Variants in COL17A1 observed in about 807,000 individuals in gnomAD.
COL17A1 encodes collagen type XVII alpha 1 chain.
COL17A1 carries 181 observed loss-of-function variants against 218.4 expected under a neutral mutation model. The ratio of observed to expected loss-of-function variants is 0.83; its 90% confidence interval spans 0.73 to 0.94. COL17A1 has a LOEUF of 0.94. COL17A1 is among the 40% of genes least tolerant of loss of function. COL17A1 has a pLI of 0.00. For missense variants in COL17A1, 1,924 were observed against 1,945.9 expected, an observed-to-expected ratio of 0.99 and a Z score of 0.21; for synonymous variants, 721 against 731.0, an observed-to-expected ratio of 0.99 and a Z score of 0.22.
At chr10:104,046,994 G>A (rs1293157751) in intron 31 of COL17A1, among the ~76,000 whole-genome samples, 1 of 152,164 alleles carries the variant, frequency 6.6e-6, no homozygotes, top group African/African-American at 2.4e-5. Context: ...ACTTTCTCAG[G>A]CAATGGTGCT....
At chr10:104,047,629 C>T in intron 31 of COL17A1, 110 bp downstream of exon 31, 1 of 908,574 alleles carries the variant, frequency 1.1e-6, no homozygotes, top group Non-Finnish European at 1.8e-6. Flanking sequence ...CACCCCTTCC[C>T]CCACAACCTG....
At chr10:104,041,658 C>T (rs2134586920) in intron 36 of COL17A1, 120 bp from the exon 37 acceptor site, 1 of 812,732 alleles carries the variant, frequency 1.2e-6, no homozygotes, top group Non-Finnish European at 2.0e-6. Context: ...ACAGCCCAGA[C>T]ACCAGGCCCT....
chr10:104,061,462 T>C lies in COL17A1; in HGVS notation c.922A>G (p.Lys308Glu). 6.2e-7 allele frequency: 1 copy of C among 1,613,406 alleles called. No individual in the cohort carries two copies. Among genetic ancestry groups the C allele is most frequent in the Non-Finnish European group, 8.5e-7 (1 of 1,179,786 alleles). Reference sequence around the variant, plus strand: ...GCAGGACTCTGGGGCATGTTTTTCTTCACCCCATATGCTGCAAGAAAGGAA... The same window carrying C: ...GCAGGACTCTGGGGCATGTTTTTCTCCACCCCATATGCTGCAAGAAAGGAA... ...TTTTSTAYGV[K>E]KNMPQSPAAV... Residue 308 changes from lysine (K) to glutamate (E), a missense_variant, in exon 13 of 56, where the codon AAG becomes GAG. Transcript: ENST00000648076.
At chr10:104,038,218 A>G (rs544411325) in intron 45 of COL17A1, among the ~76,000 whole-genome samples, 188 bp downstream of exon 45, 1 of 147,126 alleles carries the variant, frequency 6.8e-6, no homozygotes, top group South Asian at 2.2e-4. Flanking sequence ...GGGCCTGGAC[A>G]CATAGACACA....
chr10:104,068,841 C>T (rs1343313699), intron 9 of COL17A1, among the ~76,000 whole-genome samples: 1 of 152,126 alleles, frequency 6.6e-6, no homozygotes, highest in Non-Finnish European at 1.5e-5. Flanking sequence ...GATATTAAAA[C>T]CCAAATTTTC....
Position 104,063,651 on chromosome 10 carries a change from A to G in COL17A1, c.838+96T>C. ...TGTGCCTCTGCTTCTGAGCTGCAGT[A>G]TGCATGGAAGAAAGGCCTTCATGCT... On this transcript the variant is annotated intron_variant, in intron 11 of 55. Transcript: ENST00000648076. 2.6e-6 allele frequency: 4 copies of G among 1,550,630 alleles called. No individual in the cohort carries two copies. In the South Asian group the frequency reaches 4.7e-5, roughly 18 times the overall value.
At chr10:104,050,801 G>A (rs767505441) in intron 26 of COL17A1, 47 bp downstream of exon 26, 10 of 1,613,932 alleles carry the variant, frequency 6.2e-6, no homozygotes, top group Admixed American at 3.3e-5. Flanking sequence ...GCTGTGGGTC[G>A]TGTCCATCAG....
At chr10:104,042,717 G>A (rs1050266023) in intron 35 of COL17A1, among the ~76,000 whole-genome samples, 14 of 152,238 alleles carry the variant, frequency 9.2e-5, no homozygotes, top group South Asian at 2.1e-4. Context: ...ATGCCTCTAT[G>A]TACTCCTTCT....
At position 104,031,700 on chromosome 10, in the gene COL17A1, C is replaced by CTT. The variant is rs1254895009; in HGVS notation, c.*533_*534dup. Reference sequence around the variant, plus strand: ...CACCTCCTAGAGGGGAAGTGAATTTCTTAATTTTTTTAGTTGCAAGAGTCA... The same window carrying CTT: ...CACCTCCTAGAGGGGAAGTGAATTTCTTTTAATTTTTTTAGTTGCAAGAGTCA... On this transcript the variant is annotated 3_prime_UTR_variant, in exon 56 of 56. Transcript: ENST00000648076. The CTT allele has an allele frequency of 1.2e-5, 2 of 162,508 alleles. No homozygotes were observed. The highest frequency in any genetic ancestry group is 1.1e-4 in the Admixed American group (2 of 17,644). The allele number at this position is 162,508 out of a possible 1,614,324, so 10.1% of individuals were successfully genotyped here. A position where few individuals can be genotyped will look rare whatever the true frequency, so the allele number is the denominator to read the frequency against.
At chr10:104,056,778 G>T (rs1411139946) in intron 17 of COL17A1, among the ~76,000 whole-genome samples, 197 bp downstream of exon 17, 1 of 152,158 alleles carries the variant, frequency 6.6e-6, no homozygotes, top group African/African-American at 2.4e-5. Flanking sequence ...CCACCACTAA[G>T]TGGCAGCATG....
chr10:104,039,172 T>C, intron 43 of COL17A1, 51 bp from the exon 44 acceptor site: 1 of 1,585,740 alleles, frequency 6.3e-7, no homozygotes, highest in Non-Finnish European at 8.7e-7. Flanking sequence ...AAGCCTTCCC[T>C]GGTTAAGCCA....
In COL17A1 at chr10:104,048,119, G is replaced by A. The variant is rs1269776348; in HGVS notation, c.2228-15C>T. 1.9e-6 allele frequency: 3 copies of A among 1,613,996 alleles called. No homozygotes were observed. The Admixed American group carries it at 5.0e-5, about 27-fold the overall frequency. ...GCCAGCAGGACCTGGTAAAGTAGAA[G>A]CAAGGTCTCTCAGTTGCTCCTGGAG... On this transcript the variant is annotated splice_polypyrimidine_tract_variant and intron_variant, in intron 29 of 55. Transcript: ENST00000648076.
intron 32 of COL17A1, among the ~76,000 whole-genome samples, chr10:104,046,150 A>G (rs1485083845): frequency 1.3e-5 from 2 of 152,192 alleles, no homozygotes; most frequent in Non-Finnish European, 2.9e-5. Context: ...CCAATGCAGC[A>G]TCACCCTCTT....
intron 41 of COL17A1, 151 bp downstream of exon 41, chr10:104,039,822 T>G: frequency 1.6e-6 from 2 of 1,218,014 alleles, no homozygotes; most frequent in Non-Finnish European, 2.4e-6. Context: ...ACTACACCCA[T>G]GCACACACTC....
intron 9 of COL17A1, among the ~76,000 whole-genome samples, chr10:104,067,039 C>A (rs1166667470): frequency 6.6e-6 from 1 of 152,162 alleles, no homozygotes; most frequent in Non-Finnish European, 1.5e-5. Context: ...TCAATCATGA[C>A]TATTCTGTTT....
chr10:104,067,057 A>C (rs933457613), intron 9 of COL17A1, among the ~76,000 whole-genome samples: 5 of 152,180 alleles, frequency 3.3e-5, no homozygotes, highest in African/African-American at 9.7e-5. Context: ...TTTATTGAGG[A>C]AGAGAGGGGA....
Position 104,060,171 on chromosome 10 carries a change from C to A in COL17A1, c.1089G>T (p.Met363Ile). The change falls in exon 14 of 56, where the codon ATG becomes ATT. Residue 363 changes from methionine (M) to isoleucine (I), a missense_variant. Coordinates refer to ENST00000648076, the MANE Select transcript of COL17A1 (RefSeq NM_000494.4). ...PAKKEMELLI[M>I]TKDSGKVFTA... ...TAAAGACCTTCCCGCTGTCCTTGGT[C>A]ATGATGAGCAGCTCCATCTCCTTCT... is the stretch of plus-strand genomic sequence containing the variant. 6.2e-7 allele frequency: 1 copy of A among 1,614,140 alleles called. No individual in the cohort carries two copies. The highest frequency in any genetic ancestry group is 1.1e-5 in the South Asian group (1 of 91,058).
chr10:104,082,672 G>T (rs546559034), intron 1 of COL17A1, among the ~76,000 whole-genome samples: 1 of 152,190 alleles, frequency 6.6e-6, no homozygotes, highest in African/African-American at 2.4e-5. Context: ...TGGCCGGAAG[G>T]GTTCGACTTG....
At chr10:104,060,007 G>T in intron 14 of COL17A1, 112 bp downstream of exon 14, 1 of 1,526,020 alleles carries the variant, frequency 6.6e-7, no homozygotes, top group Non-Finnish European at 8.9e-7. Flanking sequence ...ATTAGAATGG[G>T]ATGGCTATGG....
Sources: gnomAD v4.1 joint callset for allele counts (sites outside exome capture counted in the v4.1 genomes callset) on GRCh38, gnomAD v4.1.1 for gene constraint, MANE v1.5 for transcripts, NCBI Gene and HGNC (gene_info 2026-07-23, HGNC 2026-07-21) for gene names.